Variants in CHRNB3 observed in about 807,000 individuals in gnomAD.
The protein encoded by CHRNB3 is cholinergic receptor nicotinic beta 3 subunit.
Under a neutral mutation model 40.6 loss-of-function variants are expected in CHRNB3, and 37 were observed. The ratio of observed to expected loss-of-function variants is 0.91; its 90% CI spans 0.70 to 1.20. The LOEUF (loss-of-function observed/expected upper bound fraction) is 1.20, where lower values mean the gene tolerates loss of function less well. Ranked by LOEUF, CHRNB3 falls within the 50% of genes most tolerant of loss-of-function variation. CHRNB3 has a pLI of 0.00. For synonymous variants in CHRNB3, 207 were observed against 207.1 expected, an observed-to-expected ratio of 1.00 and a Z score of 0.00; for missense variants, 505 against 551.2, an observed-to-expected ratio of 0.92 and a Z score of 0.84.
Position 42,708,808 on chromosome 8 carries a change from A to T in CHRNB3, c.144A>T (p.Leu48Phe). 1 of 1,614,166 alleles carries T rather than the reference A, an allele frequency of 6.2e-7. No individual in the cohort carries two copies. Among genetic ancestry groups the T allele is most frequent in the South Asian group, 1.1e-5 (1 of 91,062 alleles). Reference sequence around the variant, plus strand: ...ATCAGAAATGGGTCCGCCCTGTATTACATTCTAATGACACCATAAAAGTAT... The same window carrying T: ...ATCAGAAATGGGTCCGCCCTGTATTTCATTCTAATGACACCATAAAAGTAT... Reference protein sequence around the residue: ...QGYQKWVRPVLHSNDTIKVYF... With the variant: ...QGYQKWVRPVFHSNDTIKVYF... Residue 48 changes from leucine (L) to phenylalanine (F), a missense_variant, in exon 2 of 6, where the codon TTA becomes TTT. Coordinates refer to ENST00000289957, the MANE Select transcript of CHRNB3 (RefSeq NM_000749.5).
chr8:42,719,062 C>T (rs898985443), intron 3 of CHRNB3, among the ~76,000 whole-genome samples: 1 of 152,104 alleles, frequency 6.6e-6, no homozygotes, highest in Admixed American at 6.6e-5. Flanking sequence ...AGCATCTCAG[C>T]TAGAACACAC....
intron 3 of CHRNB3, among the ~76,000 whole-genome samples, chr8:42,729,225 G>A (rs1259002895): frequency 6.6e-6 from 1 of 151,878 alleles, no homozygotes; most frequent in African/African-American, 2.4e-5. Flanking sequence ...GGCTAACACG[G>A]TGAAACCCCG....
At chr8:42,719,035 G>A (rs1816174360) in intron 3 of CHRNB3, among the ~76,000 whole-genome samples, 1 of 152,152 alleles carries the variant, frequency 6.6e-6, no homozygotes, top group South Asian at 2.1e-4. Flanking sequence ...TGGAGCTGGT[G>A]TTTGACGACG....
At chr8:42,714,771 C>A (rs1037368290) in intron 3 of CHRNB3, 1 of 152,240 alleles carries the variant, frequency 6.6e-6, no homozygotes, top group African/African-American at 2.4e-5. Flanking sequence ...ATAATCCTAA[C>A]TTTGCAGATG....
At chr8:42,706,081 G>C (rs1815918293) in intron 1 of CHRNB3, 1 of 152,242 alleles carries the variant, frequency 6.6e-6, no homozygotes, top group Admixed American at 6.5e-5. Flanking sequence ...GGATAGAGAG[G>C]AGAGGGACTT....
rs548990343 is a variant in CHRNB3, at chr8:42,720,837, T to G, written c.250-9757T>G. On this transcript the variant is annotated intron_variant, in intron 3 of 5. Coordinates refer to ENST00000289957, the MANE Select transcript of CHRNB3 (RefSeq NM_000749.5). ...AGCTGGTATTTGTTTGCTGCAGTTTTGCAATTTGCAACAAGACAGAAGTGC... is the reference window on the plus strand; with the variant it reads ...AGCTGGTATTTGTTTGCTGCAGTTTGGCAATTTGCAACAAGACAGAAGTGC... Among the ~76,000 whole-genome samples, 3 of 152,370 alleles carry G rather than the reference T, an allele frequency of 2.0e-5. No individual in the cohort carries two copies. In the South Asian group the frequency reaches 6.2e-4, roughly 32 times the overall value.
intron 2 of CHRNB3, among the ~76,000 whole-genome samples, chr8:42,709,664 T>C (rs1248468790): frequency 6.6e-6 from 1 of 152,218 alleles, no homozygotes; most frequent in Non-Finnish European, 1.5e-5. Flanking sequence ...ACAGAGACTC[T>C]GTTTCACACA....
intron 5 of CHRNB3, among the ~76,000 whole-genome samples, chr8:42,734,748 A>G (rs768366434): frequency 2.0e-5 from 3 of 151,540 alleles, no homozygotes; most frequent in Non-Finnish European, 2.9e-5. Context: ...ATCCTTCTAC[A>G]TTTTCTCTTG....
At position 42,708,662 on chromosome 8, in the gene CHRNB3, A is replaced by T. The variant is rs1815960217; in HGVS notation, c.53-55A>T. The T allele has an allele frequency of 2.5e-6, 4 of 1,580,198 alleles. No homozygotes were observed. In the East Asian group the frequency reaches 8.9e-5, roughly 35 times the overall value. On this transcript the variant is annotated intron_variant, in intron 1 of 5. Coordinates refer to ENST00000289957, the MANE Select transcript of CHRNB3 (RefSeq NM_000749.5). ...AGGCCACAGGAGCCATGGGACACTC[A>T]TCCAGGCATCGTGCCCCTCCCATTA...
At position 42,736,695 on chromosome 8, in the gene CHRNB3, G is replaced by A. The variant is rs56313404; in HGVS notation, c.*77G>A. ...TCACACAGACAGAATCCAAATGCAT[G>A]TGCTTGTTCTACGAACCCCGAATGC... On this transcript the variant is annotated 3_prime_UTR_variant, in exon 6 of 6. Transcript: ENST00000289957. 8.4e-3 allele frequency: 12,973 copies of A among 1,549,040 alleles called. 73 individuals are homozygous for A. Among genetic ancestry groups the A allele is most frequent in the Non-Finnish European group, 9.9e-3 (11,155 of 1,128,120 alleles).
At chr8:42,703,541 A>G (rs1169715057) in intron 1 of CHRNB3, among the ~76,000 whole-genome samples, 4 of 149,768 alleles carry the variant, frequency 2.7e-5, no homozygotes, top group Non-Finnish European at 5.9e-5. Context: ...ATCTTAGAAT[A>G]TAGTGATTAA....
At chr8:42,710,036 G>A (rs1241212752) in intron 2 of CHRNB3, among the ~76,000 whole-genome samples, 7 of 152,280 alleles carry the variant, frequency 4.6e-5, no homozygotes, top group East Asian at 3.9e-4. Flanking sequence ...AGCAAAATCC[G>A]CATGCCATTT....
chr8:42,702,947 G>A (rs917506204), intron 1 of CHRNB3, among the ~76,000 whole-genome samples: 4 of 152,150 alleles, frequency 2.6e-5, no homozygotes, highest in African/African-American at 9.7e-5. Context: ...AGACCACGCA[G>A]GCCACCATCA....
chr8:42,714,073 T>A (rs1816061138), intron 3 of CHRNB3, among the ~76,000 whole-genome samples: 1 of 152,240 alleles, frequency 6.6e-6, no homozygotes, highest in African/African-American at 2.4e-5. Context: ...TAATACGCGC[T>A]GTTATGGCAC....
intron 3 of CHRNB3, among the ~76,000 whole-genome samples, chr8:42,721,065 C>T (rs1436351439): frequency 6.6e-6 from 1 of 152,240 alleles, no homozygotes; most frequent in South Asian, 2.1e-4. Flanking sequence ...CATGACAGCA[C>T]AGCCCTAGCT....
rs56966029 is a variant in CHRNB3, at chr8:42,735,846, G to A, written c.1243-638G>A. Among the ~76,000 whole-genome samples the A allele has an allele frequency of 1.9e-3, 284 of 152,258 alleles. 1 individual carries two copies. The highest frequency in any genetic ancestry group is 6.4e-3 in the African/African-American group (264 of 41,558). On this transcript the variant is annotated intron_variant, in intron 5 of 5. Coordinates refer to ENST00000289957, the MANE Select transcript of CHRNB3 (RefSeq NM_000749.5). ...GGTGGAGTGGAAGAAAAGAAAGCCT[G>A]TGACATTTGGCCACAAAAACTCTTA...
chr8:42,729,639 G>A (rs1816369082), intron 3 of CHRNB3, among the ~76,000 whole-genome samples: 1 of 152,188 alleles, frequency 6.6e-6, no homozygotes, highest in African/African-American at 2.4e-5. Flanking sequence ...GACTCCTGAT[G>A]TTTTAATGAC....
intron 1 of CHRNB3, among the ~76,000 whole-genome samples, chr8:42,703,348 C>A (rs1157620522): frequency 6.7e-6 from 1 of 149,354 alleles, no homozygotes; most frequent in Non-Finnish European, 1.5e-5. Flanking sequence ...TGCTTGAACC[C>A]AGGAGGCAGA....
intron 3 of CHRNB3, among the ~76,000 whole-genome samples, chr8:42,716,148 G>T (rs1191730960): frequency 6.6e-6 from 1 of 151,896 alleles, no homozygotes; most frequent in Non-Finnish European, 1.5e-5. Flanking sequence ...GCTAATTTTT[G>T]TATTTTTCGT....
Sources: allele counts gnomAD v4.1 joint callset (sites outside exome capture counted in the v4.1 genomes callset), GRCh38; gene constraint gnomAD v4.1.1; transcripts MANE v1.5; gene names NCBI Gene and HGNC (gene_info 2026-07-23, HGNC 2026-07-21).